The following GNAO1 variants were observed in gnomAD, a reference collection of about 807,000 sequenced individuals.
GNAO1 encodes the protein guanine nucleotide-binding protein G(o) subunit alpha.
For synonymous variants in GNAO1, 164 were observed against 180.7 expected, an observed-to-expected ratio of 0.91 and a Z score of 0.74; for missense variants, 166 against 478.7, an observed-to-expected ratio of 0.35 and a Z score of 6.10.
In GNAO1 at chr16:56,354,436, G is replaced by A. The variant is rs907899919; in HGVS notation, c.878-430G>A. Among the ~76,000 whole-genome samples, 3 of 152,246 alleles carry A rather than the reference G, an allele frequency of 2.0e-5. No individual in the cohort carries two copies. The highest frequency in any genetic ancestry group is 7.2e-5 in the African/African-American group (3 of 41,460). ...CACGTCTGTAATCCCAGCACTTTGGGAGGCCGAGGCAGGTGGATCACCTGA... is the reference window on the plus strand; with the variant it reads ...CACGTCTGTAATCCCAGCACTTTGGAAGGCCGAGGCAGGTGGATCACCTGA... On this transcript the variant is annotated intron_variant, in intron 7 of 8. Transcript: ENST00000262493. The surrounding 1 kb of genome is among the most constrained non-coding windows in gnomAD (Gnocchi z 4.3).
chr16:56,211,264 T>G (rs2036384312), intron 2 of GNAO1, among the ~76,000 whole-genome samples: 1 of 152,152 alleles, frequency 6.6e-6, no homozygotes, highest in Non-Finnish European at 1.5e-5. Context: ...ATGAGGAAAG[T>G]AAGATTCAGA....
intron 3 of GNAO1, among the ~76,000 whole-genome samples, chr16:56,304,451 C>T (rs562970909): frequency 1.7e-4 from 26 of 152,334 alleles, no homozygotes; most frequent in African/African-American, 5.8e-4. Context: ...ATTAGATGTG[C>T]TGGACTTAAC....
chr16:56,256,214 C>A (rs1274743153), intron 2 of GNAO1, among the ~76,000 whole-genome samples: 1 of 152,174 alleles, frequency 6.6e-6, no homozygotes, highest in Non-Finnish European at 1.5e-5. Flanking sequence ...GGTGAGCCAC[C>A]AGTCTACTCC....
intron 6 of GNAO1, chr16:56,340,922 A>G (rs1480620894): frequency 2.5e-6 from 4 of 1,613,868 alleles, no homozygotes; most frequent in Non-Finnish European, 3.4e-6. Flanking sequence ...TTTCTTAACA[A>G]GAAGGACATA....
At chr16:56,227,687 CAAAAAA>C (rs386384777) in intron 2 of GNAO1, among the ~76,000 whole-genome samples, 2 of 61,954 alleles carry the variant, frequency 3.2e-5, no homozygotes, top group African/African-American at 6.1e-5. Context: ...GACCCTGTCT[CAAAAAA>C]AAAAAAAAAA....
chr16:56,336,536 G>T, intron 5 of GNAO1, 195 bp from the exon 6 acceptor site: 1 of 559,784 alleles, frequency 1.8e-6, no homozygotes, highest in Non-Finnish European at 3.2e-6. Context: ...CAGACTCCAG[G>T]GGTAGTGCCT....
At chr16:56,279,642 G>A (rs918751414) in intron 3 of GNAO1, among the ~76,000 whole-genome samples, 6 of 152,108 alleles carry the variant, frequency 3.9e-5, no homozygotes, top group Non-Finnish European at 8.8e-5. Flanking sequence ...CTCAGCTCAG[G>A]GCTTTCTCCA....
chr16:56,312,566 A>G (rs560344598), intron 3 of GNAO1, among the ~76,000 whole-genome samples: 53 of 152,244 alleles, frequency 3.5e-4, no homozygotes, highest in Non-Finnish European at 6.5e-4. Context: ...TCCCTCCTCG[A>G]CCCCAACTCT....
intron 2 of GNAO1, among the ~76,000 whole-genome samples, chr16:56,220,594 G>T (rs1377141899): frequency 6.6e-6 from 1 of 152,110 alleles, no homozygotes; most frequent in Non-Finnish European, 1.5e-5. Flanking sequence ...TTGCGTATGG[G>T]GGTTGCTGTG....
chr16:56,269,299 C>T (rs1376409604), intron 2 of GNAO1, among the ~76,000 whole-genome samples: 2 of 150,500 alleles, frequency 1.3e-5, no homozygotes, highest in East Asian at 1.9e-4. Context: ...GTTGTTGCTG[C>T]TCCTCCTCCT....
At chr16:56,250,119 G>A (rs533043608) in intron 2 of GNAO1, among the ~76,000 whole-genome samples, 1 of 152,328 alleles carries the variant, frequency 6.6e-6, no homozygotes, top group East Asian at 1.9e-4. Context: ...CGTTCTAGGT[G>A]GGGAGAAAAG....
intron 3 of GNAO1, among the ~76,000 whole-genome samples, chr16:56,304,315 A>C (rs1356994214): frequency 6.6e-6 from 1 of 152,252 alleles, no homozygotes; most frequent in Non-Finnish European, 1.5e-5. Flanking sequence ...CTGCCATCCC[A>C]GGCAGGCAGA....
intron 3 of GNAO1, among the ~76,000 whole-genome samples, chr16:56,315,351 T>C (rs1158422183): frequency 6.6e-6 from 1 of 152,240 alleles, no homozygotes; most frequent in Non-Finnish European, 1.5e-5. Flanking sequence ...CTTGTTCATT[T>C]CTTAGAAATT....
At position 56,312,010 on chromosome 16, in the gene GNAO1, G is replaced by A. The variant is rs74462407; in HGVS notation, c.304-16621G>A. Among the ~76,000 whole-genome samples the A allele has an allele frequency of 9.6e-3, 1,468 of 152,190 alleles. 25 individuals carry two copies. The highest frequency in any genetic ancestry group is 0.033 in the African/African-American group (1,358 of 41,516). ...CTGAGAAGAGCAGGTGATAGCAGCT[G>A]GAGAGGTCCCAGGGGCCAGCCTTCC... On this transcript the variant is annotated intron_variant, in intron 3 of 8. Transcript: ENST00000262493.
intron 2 of GNAO1, among the ~76,000 whole-genome samples, chr16:56,274,701 T>C (rs1241456170): frequency 6.6e-6 from 1 of 152,246 alleles, no homozygotes; most frequent in African/African-American, 2.4e-5. Context: ...TTATATGAAC[T>C]GTCCAGAATA....
At chr16:56,324,034 G>A (rs529089794) in intron 3 of GNAO1, among the ~76,000 whole-genome samples, 1 of 152,302 alleles carries the variant, frequency 6.6e-6, no homozygotes, top group African/African-American at 2.4e-5. Flanking sequence ...GGGGGGCCAG[G>A]GGGTGTTGCT....
chr16:56,330,653 C>G (rs2617840), intron 4 of GNAO1, among the ~76,000 whole-genome samples: 26,013 of 152,206 alleles, frequency 0.17, 2,740 homozygotes, highest in African/African-American at 0.3. Flanking sequence ...ACTCTGGAAT[C>G]GAGGGAGCTC....
At position 56,345,795 on chromosome 16, in the gene GNAO1, G is replaced by A. The variant is rs1244772347; in HGVS notation, c.724-5589G>A. Reference sequence around the variant, plus strand: ...TTATTTCTCAGCAGCACCACGCTGGGTGAGGCCAGTTGTTCCGCTTACTCT... The same window carrying A: ...TTATTTCTCAGCAGCACCACGCTGGATGAGGCCAGTTGTTCCGCTTACTCT... On this transcript the variant is annotated intron_variant, in intron 6 of 8. Transcript: ENST00000262493. The A allele has an allele frequency of 1.8e-5, 18 of 985,472 alleles. No individual in the cohort carries two copies. In the African/African-American group the frequency reaches 2.8e-4, roughly 15 times the overall value. The allele number at this position is 985,472 out of a possible 1,614,324, so 61.0% of individuals were successfully genotyped here.
At chr16:56,314,519 C>G (rs1389432980) in intron 3 of GNAO1, among the ~76,000 whole-genome samples, 1 of 152,172 alleles carries the variant, frequency 6.6e-6, no homozygotes, top group Non-Finnish European at 1.5e-5. Flanking sequence ...GACGGGTACT[C>G]GAGTGGAGTT....
Sources: gnomAD v4.1 joint callset for allele counts (sites outside exome capture counted in the v4.1 genomes callset) on GRCh38, gnomAD v4.1.1 for gene constraint, Gnocchi (gnomAD v3.1) non-coding constraint, MANE v1.5 for transcripts, NCBI Gene and HGNC (gene_info 2026-07-23, HGNC 2026-07-21) for gene names.